ATP8A1: variants seen among roughly 807,000 people sequenced by gnomAD.
ATP8A1 encodes ATPase phospholipid transporting 8A1, also known as phospholipid-transporting ATPase IA.
ATP8A1 carries 90 observed loss-of-function variants against 177.7 expected under a neutral mutation model. The ratio of observed to expected loss-of-function variants is 0.51; its 90% confidence interval spans 0.43 to 0.60. The LOEUF is 0.60. Among genes scored for constraint, ATP8A1 ranks in the 20% least tolerant of loss-of-function variants. ATP8A1 has a pLI of 0.00. For missense variants in ATP8A1, 1,072 were observed against 1,392.8 expected, an observed-to-expected ratio of 0.77 and a Z score of 3.67; for synonymous variants, 493 against 485.9, an observed-to-expected ratio of 1.01 and a Z score of -0.19.
intron 25 of ATP8A1, among the ~76,000 whole-genome samples, chr4:42,484,064 G>A (rs1444045366): frequency 6.6e-6 from 1 of 152,186 alleles, no homozygotes; most frequent in Non-Finnish European, 1.5e-5. Context: ...GATCCCATTA[G>A]TTAAAGTGAT....
At chr4:42,509,455 T>C (rs990285216) in intron 22 of ATP8A1, among the ~76,000 whole-genome samples, 1 of 152,240 alleles carries the variant, frequency 6.6e-6, no homozygotes, top group Non-Finnish European at 1.5e-5. Flanking sequence ...CGCACATGCA[T>C]AGTATTTGTC....
At chr4:42,574,168 T>G (rs548860132) in intron 14 of ATP8A1, among the ~76,000 whole-genome samples, 33 of 152,110 alleles carry the variant, frequency 2.2e-4, no homozygotes, top group African/African-American at 8.0e-4. Flanking sequence ...CTTTCCATCA[T>G]CAGAATTTTA....
chr4:42,451,892 T>G (rs1717966636), intron 30 of ATP8A1, 89 bp downstream of exon 30: 2 of 933,356 alleles, frequency 2.1e-6, no homozygotes, highest in Non-Finnish European at 3.2e-6. Context: ...ACAATGAAAC[T>G]GCTATACTTT....
chr4:42,570,411 A>G (rs1480992201), intron 14 of ATP8A1, among the ~76,000 whole-genome samples: 2 of 152,244 alleles, frequency 1.3e-5, no homozygotes, highest in Non-Finnish European at 2.9e-5. Flanking sequence ...ACTTCAGATC[A>G]GCCTCAAGGC....
chr4:42,625,125 G>A (rs1293057521), intron 3 of ATP8A1: 1 of 151,110 alleles, frequency 6.6e-6, no homozygotes, highest in East Asian at 1.9e-4. Flanking sequence ...AATAATGAGA[G>A]TTTTAAATTT....
Position 42,412,717 on chromosome 4 carries a change from C to T in ATP8A1, c.*199G>A, listed in dbSNP as rs2153164995. On this transcript the variant is annotated 3_prime_UTR_variant, in exon 37 of 37. Coordinates refer to ENST00000381668, the MANE Select transcript of ATP8A1 (RefSeq NM_006095.2). ...GACTTAGCAAATACCTTAAAAAAAT[C>T]CAAAAGAGATGGTGTTACAGTACAG... 1 of 459,186 alleles carries T rather than the reference C, an allele frequency of 2.2e-6. No individual in the cohort carries two copies. Among genetic ancestry groups the T allele is most frequent in the African/African-American group, 2.0e-5 (1 of 49,784 alleles). The allele number at this position is 459,186 out of a possible 1,614,324, so 28.4% of individuals were successfully genotyped here. A position where few individuals can be genotyped will look rare whatever the true frequency, so the allele number is the denominator to read the frequency against.
intron 1 of ATP8A1, among the ~76,000 whole-genome samples, chr4:42,648,936 C>T (rs1046217231): frequency 6.6e-6 from 1 of 152,162 alleles, no homozygotes; most frequent in Non-Finnish European, 1.5e-5. Flanking sequence ...GATAAACAGG[C>T]ACTCTCATTC....
At chr4:42,552,439 T>C in intron 17 of ATP8A1, 66 bp downstream of exon 17, 1 of 1,322,216 alleles carries the variant, frequency 7.6e-7, no homozygotes, top group Admixed American at 2.2e-5. Flanking sequence ...TTTTTAAAAT[T>C]AAATTGACTT....
intron 27 of ATP8A1, among the ~76,000 whole-genome samples, chr4:42,457,170 C>T (rs961577094): frequency 1.3e-5 from 2 of 152,156 alleles, no homozygotes; most frequent in African/African-American, 4.8e-5. Flanking sequence ...TGATAATTTG[C>T]CCTAAACAAA....
intron 22 of ATP8A1, among the ~76,000 whole-genome samples, chr4:42,514,814 C>A (rs1402060675): frequency 6.6e-6 from 1 of 152,128 alleles, no homozygotes; most frequent in African/African-American, 2.4e-5. Flanking sequence ...ACTTAACTTA[C>A]CTAAGAATCA....
chr4:42,606,318 C>T (rs947117306), intron 5 of ATP8A1, among the ~76,000 whole-genome samples: 2 of 152,118 alleles, frequency 1.3e-5, no homozygotes, highest in Non-Finnish European at 2.9e-5. Context: ...CCCCAGGATC[C>T]CTTCTCTTTC....
intron 33 of ATP8A1, among the ~76,000 whole-genome samples, chr4:42,437,461 A>G (rs1716122425): frequency 6.6e-6 from 1 of 152,184 alleles, no homozygotes; most frequent in Non-Finnish European, 1.5e-5. Context: ...CTTAAATCAC[A>G]ACCATATTTG....
At chr4:42,507,797 A>AAAACAAAAC (rs1553890669) in intron 22 of ATP8A1, among the ~76,000 whole-genome samples, 3 of 141,010 alleles carry the variant, frequency 2.1e-5, no homozygotes, top group Non-Finnish European at 4.6e-5. Context: ...AAAAAAAAAA[A>AAAACAAAAC]AAAAAAAAAA....
chr4:42,472,405 G>T, intron 25 of ATP8A1: 2 of 209,666 alleles, frequency 9.5e-6, no homozygotes, highest in Non-Finnish European at 1.9e-5. Flanking sequence ...TAAATTCACA[G>T]TTAAAAAAAA....
intron 25 of ATP8A1, among the ~76,000 whole-genome samples, chr4:42,474,888 G>C (rs1243437293): frequency 2.6e-5 from 4 of 151,714 alleles, no homozygotes; most frequent in Non-Finnish European, 5.9e-5. Context: ...GACCTAGAGA[G>C]TGAAAGTTAG....
chr4:42,463,582 C>T (rs1459820589), intron 27 of ATP8A1, among the ~76,000 whole-genome samples: 1 of 152,174 alleles, frequency 6.6e-6, no homozygotes, highest in African/African-American at 2.4e-5. Flanking sequence ...AGGAACCATG[C>T]TTGATTTACT....
At chr4:42,570,683 A>G (rs1307762596) in intron 14 of ATP8A1, among the ~76,000 whole-genome samples, 1 of 152,188 alleles carries the variant, frequency 6.6e-6, no homozygotes, top group Non-Finnish European at 1.5e-5. Flanking sequence ...CTGATCCTAT[A>G]TGCAAGTTTC....
chr4:42,575,848 C>T, intron 12 of ATP8A1, 149 bp from the exon 13 acceptor site: 2 of 657,266 alleles, frequency 3.0e-6, no homozygotes, highest in Non-Finnish European at 5.2e-6. Flanking sequence ...ATTCCTATAC[C>T]ATTTAATTCG....
At chr4:42,435,461 A>AAAAAAAAAAAAAAAAAAAAAC (rs1553871738) in intron 33 of ATP8A1, among the ~76,000 whole-genome samples, 5 of 122,386 alleles carry the variant, frequency 4.1e-5, no homozygotes, top group Admixed American at 9.0e-5. Flanking sequence ...AAAAAAAAAA[A>AAAAAAAAAAAAAAAAAAAAAC]AACAAACTAT....
Sources: gnomAD v4.1 joint callset for allele counts (sites outside exome capture counted in the v4.1 genomes callset) on GRCh38, gnomAD v4.1.1 for gene constraint, MANE v1.5 for transcripts, NCBI Gene and HGNC (gene_info 2026-07-23, HGNC 2026-07-21) for gene names.